Variants in LDLRAD3 observed in about 807,000 individuals in gnomAD.
The protein encoded by LDLRAD3 is low density lipoprotein receptor class A domain containing 3.
A neutral mutation model predicts 29.4 loss-of-function variants in LDLRAD3; 20 were observed. The observed-to-expected ratio is 0.68, with a 90% CI of 0.48 to 0.99. The LOEUF is 0.99. LDLRAD3 is among the 50% of genes least tolerant of loss of function. The pLI, the probability that LDLRAD3 is intolerant of heterozygous loss-of-function variation, is 0.00. For missense variants in LDLRAD3, 420 were observed against 454.3 expected (o/e 0.92, Z 0.69); for synonymous variants, 157 against 192.7 (o/e 0.81, Z 1.53).
chr11:36,164,166 C>T (rs937429931), intron 4 of LDLRAD3, among the ~76,000 whole-genome samples: 1 of 152,206 alleles, frequency 6.6e-6, no homozygotes, highest in Non-Finnish European at 1.5e-5. Flanking sequence ...CAGCCACGCT[C>T]TGTCCCTGTG....
intron 1 of LDLRAD3, among the ~76,000 whole-genome samples, chr11:36,019,167 T>C (rs1258863739): frequency 6.6e-6 from 1 of 152,148 alleles, no homozygotes; most frequent in Admixed American, 6.5e-5. Context: ...ACGGGGTAGA[T>C]TGTGATCTGA....
chr11:35,990,576 T>C (rs1851675340), intron 1 of LDLRAD3, among the ~76,000 whole-genome samples: 1 of 102,162 alleles, frequency 9.8e-6, no homozygotes, highest in African/African-American at 6.3e-5. Context: ...TGCCAGCTAA[T>C]TTTTGTATTT....
chr11:35,946,776 C>T (rs1242607045), intron 1 of LDLRAD3, among the ~76,000 whole-genome samples: 1 of 152,098 alleles, frequency 6.6e-6, no homozygotes, highest in African/African-American at 2.4e-5. Flanking sequence ...GAGTATTGAC[C>T]TTTTCTCCTG....
At chr11:36,062,420 C>G (rs926718836) in intron 2 of LDLRAD3, among the ~76,000 whole-genome samples, 3 of 152,094 alleles carry the variant, frequency 2.0e-5, no homozygotes, top group Non-Finnish European at 4.4e-5. Context: ...TGTTACTCGA[C>G]ACACAGAAAG....
At chr11:35,949,057 G>C (rs1851098353) in intron 1 of LDLRAD3, among the ~76,000 whole-genome samples, 1 of 151,788 alleles carries the variant, frequency 6.6e-6, no homozygotes, top group African/African-American at 2.4e-5. Context: ...TGTGCATCCT[G>C]AGTGTGTCTT....
chr11:36,053,326 TC>T (rs1164104981), intron 2 of LDLRAD3, among the ~76,000 whole-genome samples: 1 of 152,164 alleles, frequency 6.6e-6, no homozygotes, highest in East Asian at 1.9e-4. Flanking sequence ...AGAGCTCACT[TC>T]CAACTATCAT....
At chr11:36,042,012 C>T (rs1293002959) in intron 2 of LDLRAD3, among the ~76,000 whole-genome samples, 1 of 152,130 alleles carries the variant, frequency 6.6e-6, no homozygotes, top group African/African-American at 2.4e-5. Flanking sequence ...CTGTTCCTGA[C>T]CGTTTCTTGA....
chr11:36,139,727 CTCTG>C (rs1854053118), intron 4 of LDLRAD3, among the ~76,000 whole-genome samples: 1 of 152,192 alleles, frequency 6.6e-6, no homozygotes, highest in African/African-American at 2.4e-5. Context: ...CAGTTGGTGT[CTCTG>C]TCTGTCTGTG....
Position 36,009,342 on chromosome 11 carries a change from A to C in LDLRAD3, c.47-26761A>C, listed in dbSNP as rs142674194. Among the ~76,000 whole-genome samples, 22 of 152,348 alleles carry C rather than the reference A, an allele frequency of 1.4e-4. No homozygotes were observed. In the East Asian group the frequency reaches 4.2e-3, roughly 29 times the overall value. On this transcript the variant is annotated intron_variant, in intron 1 of 5. Coordinates refer to ENST00000315571, the MANE Select transcript of LDLRAD3 (RefSeq NM_174902.4). The stretch of plus-strand genomic sequence containing the variant: ...AGTTTAGACCCCCTGCTCTGGGAGC[A>C]GTCATCATAGGCAGGGCTTTGACGA...
intron 1 of LDLRAD3, among the ~76,000 whole-genome samples, chr11:35,983,923 C>T (rs1261852177): frequency 6.6e-6 from 1 of 152,142 alleles, no homozygotes; most frequent in Non-Finnish European, 1.5e-5. Flanking sequence ...CTGTGCCTGG[C>T]CAAGTTAAGA....
intron 1 of LDLRAD3, chr11:35,968,407 G>C: frequency 2.8e-6 from 1 of 361,922 alleles, no homozygotes; most frequent in Non-Finnish European, 5.5e-6. Flanking sequence ...GCTTGTTCCT[G>C]TTGCCTGGTT....
At chr11:36,019,420 T>C (rs1807976577) in intron 1 of LDLRAD3, among the ~76,000 whole-genome samples, 1 of 152,214 alleles carries the variant, frequency 6.6e-6, no homozygotes, top group African/African-American at 2.4e-5. Context: ...TCTTGCTTCG[T>C]GTGGAGCCAT....
At chr11:36,044,842 C>T (rs980528062) in intron 2 of LDLRAD3, among the ~76,000 whole-genome samples, 7 of 152,212 alleles carry the variant, frequency 4.6e-5, no homozygotes, top group Non-Finnish European at 1.0e-4. Context: ...AGTGGGCGCC[C>T]ACCCCCAGAG....
intron 2 of LDLRAD3, among the ~76,000 whole-genome samples, chr11:36,060,169 A>G (rs1251248198): frequency 6.6e-6 from 1 of 152,108 alleles, no homozygotes. Context: ...CCTGGGTAAC[A>G]CTGTGACATT....
intron 4 of LDLRAD3, among the ~76,000 whole-genome samples, chr11:36,162,414 C>T (rs1854456084): frequency 6.6e-6 from 1 of 152,210 alleles, no homozygotes; most frequent in South Asian, 2.1e-4. Context: ...GAGAACATGT[C>T]TTGGCACACC....
chr11:36,140,992 TTCTCTCTCTCTCTCTCTCTC>T (rs557939353), intron 4 of LDLRAD3, among the ~76,000 whole-genome samples: 4 of 109,998 alleles, frequency 3.6e-5, no homozygotes, highest in African/African-American at 9.6e-5. Flanking sequence ...CTGTTGAGCT[TTCTCTCTCTCTCTCTCTCTC>T]TCTCTCTCTC....
chr11:36,173,699 C>G (rs1433322639), intron 4 of LDLRAD3, among the ~76,000 whole-genome samples: 1 of 152,078 alleles, frequency 6.6e-6, no homozygotes, highest in East Asian at 1.9e-4. Context: ...TGGGTATATA[C>G]CCAGTAATGG....
At chr11:36,159,905 T>C (rs1394512103) in intron 4 of LDLRAD3, among the ~76,000 whole-genome samples, 3 of 152,118 alleles carry the variant, frequency 2.0e-5, no homozygotes, top group African/African-American at 7.2e-5. Context: ...AGTCTTATGT[T>C]CCCTGCCCAG....
intron 4 of LDLRAD3, among the ~76,000 whole-genome samples, chr11:36,212,225 T>C (rs1433154678): frequency 6.6e-6 from 1 of 152,192 alleles, no homozygotes; most frequent in Non-Finnish European, 1.5e-5. Flanking sequence ...GGTTTCCCTT[T>C]GGATGGGTAG....
Sources: allele counts gnomAD v4.1 joint callset (sites outside exome capture counted in the v4.1 genomes callset), GRCh38; gene constraint gnomAD v4.1.1; transcripts MANE v1.5; gene names NCBI Gene and HGNC (gene_info 2026-07-23, HGNC 2026-07-21).